Variants in CWH43 observed in about 807,000 individuals in gnomAD.
The protein encoded by CWH43 is cell wall biogenesis 43 C-terminal homolog.
Under a neutral mutation model 85.7 loss-of-function variants are expected in CWH43, and 91 were observed. That is an observed-to-expected ratio of 1.06 (90% confidence interval 0.90 to 1.26). CWH43 has a LOEUF of 1.26. Among genes scored for constraint, CWH43 ranks in the 50% most tolerant of loss-of-function variants. The pLI is 0.00. For missense variants in CWH43, 869 were observed against 839.2 expected (o/e 1.04, Z -0.44); for synonymous variants, 323 against 293.6 (o/e 1.10, Z -1.02).
At chr4:49,017,012 G>A (rs1378479779) in intron 8 of CWH43, 46 of 769,170 alleles carry the variant, frequency 6.0e-5, no homozygotes, top group Admixed American at 4.8e-4. Flanking sequence ...GGGTGAAGTC[G>A]ATATAGGCAG....
intron 8 of CWH43, among the ~76,000 whole-genome samples, chr4:49,010,284 C>T (rs1267103466): frequency 6.6e-6 from 1 of 152,176 alleles, no homozygotes; most frequent in Non-Finnish European, 1.5e-5. Context: ...ATAGTATTCT[C>T]TGATGGTAGT....
At chr4:49,001,453 T>G (rs1217760834) in intron 6 of CWH43, among the ~76,000 whole-genome samples, 3 of 152,080 alleles carry the variant, frequency 2.0e-5, no homozygotes, top group Non-Finnish European at 4.4e-5. Context: ...GTAAAGTGAC[T>G]AACAGTGCGT....
chr4:49,048,125 T>G (rs1357217212), intron 14 of CWH43, among the ~76,000 whole-genome samples: 1 of 152,200 alleles, frequency 6.6e-6, no homozygotes, highest in African/African-American at 2.4e-5. Context: ...GAAAACGACT[T>G]TTCATATAGG....
Position 49,061,816 on chromosome 4 carries a change from G to C in CWH43, c.2026G>C (p.Gly676Arg). 2.2e-6 allele frequency: 3 copies of C among 1,381,244 alleles called. No homozygotes were observed. Among genetic ancestry groups the C allele is most frequent in the Non-Finnish European group, 2.9e-6 (3 of 1,041,294 alleles). 85.6% of individuals were successfully genotyped at this position (1,381,244 alleles called of 1,614,324 possible). A position where few individuals can be genotyped will look rare whatever the true frequency, so the allele number is the denominator to read the frequency against. ...ATTTATTTTTTATTTTTTTAGATTT[G>C]GATCCTACAAAGAAGGACACAATTA... ...SEKIHFNPRF[G>R]SYKEGHNYEN... Residue 676 changes from glycine to arginine, a missense_variant, in exon 16 of 16, where the codon GGA becomes CGA. Around this residue, in one of 3 missense-constraint regions of CWH43, gnomAD observed 577 missense variants for 513.1 expected, o/e 1.12. Transcript: ENST00000226432.
At chr4:49,035,054 G>A (rs1265538364) in intron 12 of CWH43, among the ~76,000 whole-genome samples, 1 of 152,136 alleles carries the variant, frequency 6.6e-6, no homozygotes, top group East Asian at 1.9e-4. Context: ...CAGAAGTACT[G>A]TCTGGGACAC....
chr4:49,046,371 A>G (rs560909407), intron 14 of CWH43, among the ~76,000 whole-genome samples: 6 of 152,182 alleles, frequency 3.9e-5, no homozygotes, highest in African/African-American at 1.4e-4. Flanking sequence ...AATCCTCTTT[A>G]TGTACTGGGT....
Position 48,991,953 on chromosome 4 carries a change from G to T in CWH43, c.374G>T (p.Gly125Val). 1 of 1,612,636 alleles carries T rather than the reference G, an allele frequency of 6.2e-7. No homozygotes were observed. Among genetic ancestry groups the T allele is most frequent in the South Asian group, 1.1e-5 (1 of 90,858 alleles). Residue 125 changes from glycine to valine, a missense_variant, in exon 4 of 16, where the codon GGA (glycine) becomes GTA (valine). By Grantham distance (109) the Gly-to-Val change is moderately radical (BLOSUM62 -3). Around this residue, in one of 3 missense-constraint regions of CWH43, gnomAD observed 152 missense variants for 203.6 expected, o/e 0.75. Coordinates refer to ENST00000226432, the MANE Select transcript of CWH43 (RefSeq NM_025087.3). ...SHLQRYLRIW[G>V]FILGQIVLVV... is the part of the protein sequence containing the mutation. Reference sequence around the variant, plus strand: ...ACTTACAGGTACCTCAGAATTTGGGGATTCATTTTAGGACAGATTGTTCTT... The same window carrying T: ...ACTTACAGGTACCTCAGAATTTGGGTATTCATTTTAGGACAGATTGTTCTT...
At chr4:49,004,298 C>T (rs576446018) in intron 7 of CWH43, among the ~76,000 whole-genome samples, 25 of 152,272 alleles carry the variant, frequency 1.6e-4, no homozygotes, top group African/African-American at 4.3e-4. Flanking sequence ...TTGTGTTATA[C>T]GATGCGTTAG....
chr4:49,050,993 A>G (rs1477121789), intron 15 of CWH43, 144 bp downstream of exon 15: 3 of 595,124 alleles, frequency 5.0e-6, no homozygotes, highest in Non-Finnish European at 5.4e-6. Context: ...AGATGATAAA[A>G]TCTGGTTTGG....
intron 7 of CWH43, 111 bp downstream of exon 7, chr4:49,004,103 C>T (rs753646484): frequency 4.1e-6 from 4 of 972,216 alleles, no homozygotes; most frequent in Non-Finnish European, 4.4e-6. Flanking sequence ...GATGATCTAG[C>T]TTTCTTGGTA....
intron 13 of CWH43, among the ~76,000 whole-genome samples, chr4:49,043,431 T>C (rs1240191913): frequency 6.6e-6 from 1 of 152,200 alleles, no homozygotes; most frequent in African/African-American, 2.4e-5. Flanking sequence ...TACATGGTAT[T>C]AAGGAAGGAG....
At chr4:49,047,656 T>C (rs1358863065) in intron 14 of CWH43, among the ~76,000 whole-genome samples, 1 of 151,442 alleles carries the variant, frequency 6.6e-6, no homozygotes, top group Admixed American at 6.6e-5. Flanking sequence ...AAAAGTGAGG[T>C]TAGTGGGGCT....
rs892378567 is a variant in CWH43 at position 49,030,814 on chromosome 4, T to C, written c.1373-11T>C. 5.1e-6 allele frequency: 8 copies of C among 1,559,308 alleles called. No individual in the cohort carries two copies. In the African/African-American group the frequency reaches 8.4e-5, roughly 16 times the overall value. On this transcript the variant is annotated splice_polypyrimidine_tract_variant and intron_variant, in intron 10 of 15. Transcript: ENST00000226432. ...TTCATCACTGTATGCTACTTTTTTT[T>C]TTCTGAACAGGTGCAGATTTCATAA... is the stretch of plus-strand genomic sequence containing the variant.
At chr4:49,003,523 T>G (rs960826592) in intron 6 of CWH43, 9 of 523,236 alleles carry the variant, frequency 1.7e-5, no homozygotes, top group Non-Finnish European at 3.0e-5. Context: ...AACTGAGATT[T>G]ACTAGATCCA....
chr4:49,016,979 A>T, intron 8 of CWH43: 1 of 781,692 alleles, frequency 1.3e-6, no homozygotes, highest in Non-Finnish European at 2.4e-6. Context: ...CAGGCACAGC[A>T]ATCTTGGGAT....
intron 14 of CWH43, among the ~76,000 whole-genome samples, chr4:49,049,072 C>A (rs1397576890): frequency 6.6e-6 from 1 of 152,140 alleles, no homozygotes; most frequent in Non-Finnish European, 1.5e-5. Flanking sequence ...AAGGCAGTGT[C>A]TGTTAAATGG....
At chr4:49,044,932 G>A (rs1437699814) in intron 14 of CWH43, 85 bp downstream of exon 14, 2 of 1,042,516 alleles carry the variant, frequency 1.9e-6, no homozygotes, top group African/African-American at 1.6e-5. Context: ...GAACTTTATG[G>A]AAGCAATTAA....
chr4:49,056,605 A>G (rs1395487175), intron 15 of CWH43, among the ~76,000 whole-genome samples: 2 of 151,884 alleles, frequency 1.3e-5, no homozygotes, highest in African/African-American at 2.4e-5. Context: ...TATCTTTTCA[A>G]AAAACCAACT....
chr4:49,032,553 C>G lies in CWH43; in HGVS notation c.1509-13C>G. On this transcript the variant is annotated splice_polypyrimidine_tract_variant and intron_variant, in intron 11 of 15. Coordinates refer to ENST00000226432, the MANE Select transcript of CWH43 (RefSeq NM_025087.3). ...TGACAATGATGCCCATGTCTCTTTT[C>G]ATTCCAATACAGGATTATGGCTTTG... 3 of 1,613,552 alleles carry G rather than the reference C, an allele frequency of 1.9e-6. No individual in the cohort carries two copies. The South Asian group carries it at 3.3e-5, about 18-fold the overall frequency.
Sources: gnomAD v4.1 joint callset for allele counts (sites outside exome capture counted in the v4.1 genomes callset) on GRCh38, gnomAD v4.1.1 for gene constraint, gnomAD v4.1.1 regional missense constraint, MANE v1.5 for transcripts, NCBI Gene and HGNC (gene_info 2026-07-23, HGNC 2026-07-21) for gene names.